The following MYO1H variants were observed in gnomAD, a reference collection of about 807,000 sequenced individuals.
The protein encoded by MYO1H is myosin IH, also known as unconventional myosin-Ih.
A neutral mutation model predicts 149.3 loss-of-function variants in MYO1H; 118 were observed. The ratio of observed to expected loss-of-function variants is 0.79; its 90% CI spans 0.68 to 0.92. The LOEUF (loss-of-function observed/expected upper bound fraction) is 0.92. Among genes scored for constraint, MYO1H ranks in the 40% least tolerant of loss-of-function variants. The pLI, the probability that MYO1H is intolerant of heterozygous loss-of-function variation, is 0.00. For missense variants in MYO1H, 1,212 were observed against 1,280.7 expected, an observed-to-expected ratio of 0.95 and a Z score of 0.82; for synonymous variants, 447 against 465.2, an observed-to-expected ratio of 0.96 and a Z score of 0.50.
the MYO1H span, among the ~76,000 whole-genome samples, chr12:109,320,323 A>G: frequency 6.6e-6 from 1 of 151,552 alleles, no homozygotes; most frequent in Non-Finnish European, 1.5e-5. Flanking sequence ...CAAAAGAAAA[A>G]AACGGGCCAG....
At chr12:109,345,609 T>C (rs1017077543), upstream of MYO1H, among the ~76,000 whole-genome samples, 1 of 152,072 alleles carries the variant, frequency 6.6e-6, no homozygotes, top group African/African-American at 2.4e-5. Context: ...CACTCCTAGG[T>C]ATATACCCAA....
At position 109,391,531 on chromosome 12, in the gene MYO1H, G is replaced by A. The variant is rs1357958500; in HGVS notation, c.175-1800G>A. ...TGTCTTTGATGTTGTGAATAGTGCCGCAGTGAACACACGTGTACATGTATC... is the reference window on the plus strand; with the variant it reads ...TGTCTTTGATGTTGTGAATAGTGCCACAGTGAACACACGTGTACATGTATC... On this transcript the variant is annotated intron_variant, in intron 2 of 31. Coordinates refer to ENST00000310903, the Ensembl canonical transcript of MYO1H. 2.6e-5 allele frequency among the ~76,000 whole-genome samples: 4 copies of A among 152,062 alleles called. No homozygotes were observed. In the South Asian group the frequency reaches 6.2e-4, roughly 24 times the overall value.
exon 10 of MYO1H, chr12:109,407,830 G>C: frequency 1.2e-6 from 2 of 1,613,754 alleles, no homozygotes; most frequent in Non-Finnish European, 1.7e-6. Flanking sequence ...CTCTGTCTAC[G>C]CTAGAGATGC....
chr12:109,396,813 C>CTT (rs1869929395), intron 4 of MYO1H, among the ~76,000 whole-genome samples: 3 of 54,476 alleles, frequency 5.5e-5, no homozygotes, highest in Non-Finnish European at 8.2e-5. Flanking sequence ...GTTTTGGTTT[C>CTT]GTTTTTTTTT....
chr12:109,395,722 G>A lies in MYO1H; in HGVS notation c.291-662G>A, dbSNP rs143458108. On this transcript the variant is annotated intron_variant, in intron 3 of 31. Transcript: ENST00000310903. ...TGCACTCTGGCCTGGGCGACAGAGC[G>A]AGACTCCATCTCAAAAAAAAAAAAA... 9.1e-3 allele frequency among the ~76,000 whole-genome samples: 1,302 copies of A among 143,376 alleles called. 14 individuals are homozygous for A. The highest frequency in any genetic ancestry group is 0.013 in the Admixed American group (177 of 13,954). The allele number at this position is 143,376 out of a possible 152,430, so 94.1% of individuals were successfully genotyped here. A position where few individuals can be genotyped will look rare whatever the true frequency, so the allele number is the denominator to read the frequency against.
At chr12:109,408,234 G>A (rs1870487190) in intron 10 of MYO1H, among the ~76,000 whole-genome samples, 1 of 152,072 alleles carries the variant, frequency 6.6e-6, no homozygotes, top group Admixed American at 6.6e-5. Flanking sequence ...GGGTGCAGTG[G>A]TGCAATCATA....
At chr12:109,398,715 C>G (rs4766468) in intron 5 of MYO1H, among the ~76,000 whole-genome samples, 35,261 of 139,250 alleles carry the variant, frequency 0.25, 5,177 homozygotes, top group Admixed American at 0.4. Context: ...CACTCCAGCC[C>G]GGGCAACAAG....
Position 109,443,240 on chromosome 12 carries a change from ATATG to A in MYO1H, c.2689-272_2689-269del, listed in dbSNP as rs1157269004. Among the ~76,000 whole-genome samples the A allele has an allele frequency of 4.6e-5, 3 of 65,878 alleles. 1 individual carries two copies. The highest frequency in any genetic ancestry group is 9.4e-5 in the Non-Finnish European group (3 of 31,776). 43.2% of individuals were successfully genotyped at this position (65,878 alleles called of 152,430 possible). On this transcript the variant is annotated intron_variant, in intron 27 of 31. Transcript: ENST00000310903. The stretch of plus-strand genomic sequence containing the variant: ...TATATGTGTGTGTATATGTGTACGT[ATATG>A]TGTGTGTATATGTGTACGTATATGT...
chr12:109,319,657 A>G, the MYO1H span, among the ~76,000 whole-genome samples: 1 of 152,166 alleles, frequency 6.6e-6, no homozygotes, highest in Non-Finnish European at 1.5e-5. Context: ...GCTTGCCATG[A>G]GAAAGGTCTA....
intron 8 of MYO1H, among the ~76,000 whole-genome samples, chr12:109,406,466 TTAAAAAAAAAAA>T (rs1466082328): frequency 1.5e-4 from 15 of 101,708 alleles, no homozygotes; most frequent in Admixed American, 3.4e-4. Flanking sequence ...ACCCTATCTC[TTAAAAAAAAAAA>T]AAAAAAAAAA....
At chr12:109,411,559 C>T (rs1226500519) in intron 13 of MYO1H, among the ~76,000 whole-genome samples, 2 of 152,210 alleles carry the variant, frequency 1.3e-5, no homozygotes, top group Admixed American at 6.5e-5. Flanking sequence ...AGAGTCTGTA[C>T]ACATGGTAAT....
the MYO1H span, among the ~76,000 whole-genome samples, chr12:109,338,765 C>CA: frequency 0.044 from 3,858 of 86,896 alleles, 108 homozygotes; most frequent in Middle Eastern, 0.088. Context: ...GACTCCATCT[C>CA]AAAAAAAAAA....
the MYO1H span, among the ~76,000 whole-genome samples, chr12:109,318,961 TTTTTGGTTTTG>T: frequency 8.3e-4 from 86 of 103,400 alleles, 5 homozygotes; most frequent in Middle Eastern, 3.8e-3. Flanking sequence ...ACTCTCTGCG[TTTTTGGTTTTG>T]TTTTTTTTTT....
chr12:109,317,018 C>A, the MYO1H span, among the ~76,000 whole-genome samples: 1 of 152,196 alleles, frequency 6.6e-6, no homozygotes, highest in African/African-American at 2.4e-5. Flanking sequence ...ATTATCAAAA[C>A]CATACCTGCA....
intron 3 of MYO1H, among the ~76,000 whole-genome samples, chr12:109,395,901 T>TTTGTTGTTGTTGATGTTGTTG (rs1869876579): frequency 1.3e-5 from 2 of 151,274 alleles, no homozygotes; most frequent in Admixed American, 1.3e-4. Context: ...GTTGGTTTGT[T>TTTGTTGTTGTTGATGTTGTTG]TTGTTGTTGT....
intron 8 of MYO1H, among the ~76,000 whole-genome samples, chr12:109,406,467 T>A (rs113674693): frequency 0.068 from 2,935 of 43,452 alleles, 407 homozygotes; most frequent in Middle Eastern, 0.15. Flanking sequence ...CCCTATCTCT[T>A]AAAAAAAAAA....
At position 109,412,098 on chromosome 12, in the gene MYO1H, T is replaced by A. The variant is rs553035122; in HGVS notation, c.1502+113T>A. The A allele has an allele frequency of 3.2e-5, 21 of 661,246 alleles. No homozygotes were observed. The East Asian group carries it at 6.1e-4, about 19-fold the overall frequency. 41.0% of individuals were successfully genotyped at this position (661,246 alleles called of 1,614,324 possible). ...AACAACTACTTCATACATAAAAATATCTTTATGTATACCACTCATAGATGT... is the reference window on the plus strand; with the variant it reads ...AACAACTACTTCATACATAAAAATAACTTTATGTATACCACTCATAGATGT... On this transcript the variant is annotated intron_variant, in intron 14 of 31. Coordinates refer to ENST00000310903, the Ensembl canonical transcript of MYO1H.
At position 109,436,221 on chromosome 12, in the gene MYO1H, G is replaced by A. The variant is rs112545376; in HGVS notation, c.2141-267G>A. Among the ~76,000 whole-genome samples the A allele has an allele frequency of 8.7e-3, 1,321 of 152,228 alleles. 9 individuals are homozygous for A. Among genetic ancestry groups the A allele is most frequent in the Non-Finnish European group, 0.012 (810 of 68,018 alleles). On this transcript the variant is annotated intron_variant, in intron 21 of 31. Coordinates refer to ENST00000310903, the Ensembl canonical transcript of MYO1H. ...AAATCTAATGCCTGACATGGAACTG[G>A]GGGGCTTGTAGCACTAGGTCTGTTC...
exon 15 of MYO1H, chr12:109,415,609 A>G: frequency 1.9e-6 from 3 of 1,600,600 alleles, no homozygotes; most frequent in Non-Finnish European, 2.6e-6. Flanking sequence ...GAGGTCACAT[A>G]CTGCACCAAG....
Sources: gnomAD v4.1 joint callset for allele counts (sites outside exome capture counted in the v4.1 genomes callset) on GRCh38, gnomAD v4.1.1 for gene constraint, MANE v1.5 for transcripts, NCBI Gene and HGNC (gene_info 2026-07-23, HGNC 2026-07-21) for gene names.